MPP3: variants seen among roughly 807,000 people sequenced by gnomAD.
MPP3 encodes the protein MAGUK p55 subfamily member 3.
A neutral mutation model predicts 80.7 loss-of-function variants in MPP3; 48 were observed. The observed-to-expected ratio is 0.59, with a 90% confidence interval of 0.47 to 0.76. The LOEUF (loss-of-function observed/expected upper bound fraction) is 0.76. MPP3 is among the 30% of genes least tolerant of loss of function. MPP3 has a pLI of 0.00. For synonymous variants in MPP3, 311 were observed against 297.6 expected (o/e 1.04, Z -0.46); for missense variants, 620 against 763.0 (o/e 0.81, Z 2.21).
At chr17:43,808,902 C>T in intron 19 of MPP3, 54 bp downstream of exon 19, 1 of 1,562,468 alleles carries the variant, frequency 6.4e-7, no homozygotes, top group Non-Finnish European at 8.6e-7. Context: ...AGAAGCGTTC[C>T]TGTAACAGCC....
intron 19 of MPP3, among the ~76,000 whole-genome samples, chr17:43,807,904 G>A (rs1367750382): frequency 1.3e-5 from 2 of 151,960 alleles, no homozygotes; most frequent in Admixed American, 6.6e-5. Flanking sequence ...AGGCTGCAGT[G>A]AGCCATGATT....
intron 16 of MPP3, among the ~76,000 whole-genome samples, chr17:43,812,744 G>C (rs1217196213): frequency 1.3e-5 from 2 of 152,180 alleles, no homozygotes; most frequent in African/African-American, 2.4e-5. Context: ...TCTTCTCCAG[G>C]GGGTGGATCC....
intron 13 of MPP3, 39 bp downstream of exon 13, chr17:43,816,638 G>A (rs1254004852): frequency 6.4e-7 from 1 of 1,556,042 alleles, no homozygotes; most frequent in Admixed American, 1.9e-5. Flanking sequence ...CACGGAAAAG[G>A]GGCCACGCCT....
chr17:43,810,190 G>T (rs1412156194), intron 18 of MPP3, among the ~76,000 whole-genome samples: 2 of 152,104 alleles, frequency 1.3e-5, no homozygotes, highest in Non-Finnish European at 2.9e-5. Context: ...TGTTTCTATA[G>T]AGGGGAAAAA....
chr17:43,812,058 G>A (rs1377318978), intron 16 of MPP3, among the ~76,000 whole-genome samples: 1 of 152,224 alleles, frequency 6.6e-6, no homozygotes, highest in Non-Finnish European at 1.5e-5. Context: ...AAAGGAGACA[G>A]GAAGACAGAC....
chr17:43,829,974 C>T lies in MPP3; in HGVS notation c.303+53G>A, dbSNP rs763577037. 4.4e-6 allele frequency: 7 copies of T among 1,586,110 alleles called. No individual in the cohort carries two copies. In the African/African-American group the frequency reaches 6.7e-5, roughly 15 times the overall value. On this transcript the variant is annotated intron_variant, in intron 6 of 19. Coordinates refer to ENST00000398389, the MANE Select transcript of MPP3 (RefSeq NM_001932.6). ...GCCTCATTAGGAGAGCTCCCTCCGC[C>T]CCCATCCCAGGAGACCCAGAGGCAT...
At chr17:43,819,123 T>C (rs989826073) in intron 11 of MPP3, 1 of 152,174 alleles carries the variant, frequency 6.6e-6, no homozygotes, top group Admixed American at 6.5e-5. Flanking sequence ...GCAGGACCCA[T>C]GGATCTGCAT....
chr17:43,802,440 A>G (rs2044449658), intron 19 of MPP3, among the ~76,000 whole-genome samples: 1 of 152,210 alleles, frequency 6.6e-6, no homozygotes, highest in African/African-American at 2.4e-5. Flanking sequence ...GCCAAACACT[A>G]GCACAGCAAA....
At chr17:43,820,791 T>C in intron 11 of MPP3, 71 bp downstream of exon 11, 1 of 1,438,974 alleles carries the variant, frequency 6.9e-7, no homozygotes, top group Non-Finnish European at 9.7e-7. Flanking sequence ...GGGCAGAGAC[T>C]TGGGGGTCTG....
chr17:43,830,832 C>G (rs1266990968), intron 5 of MPP3, among the ~76,000 whole-genome samples: 2 of 152,218 alleles, frequency 1.3e-5, no homozygotes, highest in Admixed American at 6.5e-5. Flanking sequence ...AAATGAGAAG[C>G]CTGAGCCAGT....
intron 5 of MPP3, among the ~76,000 whole-genome samples, chr17:43,831,021 T>C (rs569722594): frequency 6.6e-6 from 1 of 152,358 alleles, no homozygotes; most frequent in South Asian, 2.1e-4. Flanking sequence ...GGCAGCTCCA[T>C]GTCACAGTGT....
chr17:43,802,548 A>C (rs1385584370), intron 19 of MPP3, among the ~76,000 whole-genome samples: 1 of 152,186 alleles, frequency 6.6e-6, no homozygotes. Context: ...CTGACACTTA[A>C]CATTAAGGTA....
chr17:43,803,508 C>T (rs1598314443), intron 19 of MPP3, among the ~76,000 whole-genome samples: 1 of 152,146 alleles, frequency 6.6e-6, no homozygotes, highest in East Asian at 1.9e-4. Context: ...CTGTCCGTCA[C>T]CCCCAGGTTG....
intron 19 of MPP3, among the ~76,000 whole-genome samples, chr17:43,805,690 A>G (rs775016115): frequency 5.9e-5 from 9 of 152,236 alleles, no homozygotes; most frequent in Non-Finnish European, 1.0e-4. Context: ...CCAGATACAA[A>G]AGGTCTTACA....
At chr17:43,814,459 G>A (rs1897948034) in intron 14 of MPP3, 98 bp from the exon 15 acceptor site, 2 of 1,302,758 alleles carry the variant, frequency 1.5e-6, no homozygotes, top group African/African-American at 3.0e-5. Flanking sequence ...CTGGAGATGG[G>A]ACTGAGTCCC....
intron 19 of MPP3, among the ~76,000 whole-genome samples, chr17:43,805,659 CATTAT>C (rs755862471): frequency 3.9e-5 from 6 of 152,076 alleles, no homozygotes; most frequent in African/African-American, 4.8e-5. Flanking sequence ...ACTTTAAAAA[CATTAT>C]ATTAAGTGAA....
At chr17:43,820,652 A>G (rs2045406837) in intron 11 of MPP3, among the ~76,000 whole-genome samples, 1 of 151,198 alleles carries the variant, frequency 6.6e-6, no homozygotes, top group Non-Finnish European at 1.5e-5. Flanking sequence ...TAACTTAATA[A>G]CATAAATTTC....
chr17:43,831,776 C>G (rs535013745), intron 3 of MPP3, 99 bp from the exon 4 acceptor site: 2 of 1,429,920 alleles, frequency 1.4e-6, no homozygotes, highest in African/African-American at 2.9e-5. Context: ...TCAGTCCTGC[C>G]GTGAGGACAT....
intron 7 of MPP3, 104 bp downstream of exon 7, chr17:43,829,550 G>A (rs1023567571): frequency 1.9e-5 from 26 of 1,379,970 alleles, no homozygotes; most frequent in Admixed American, 1.4e-4. Flanking sequence ...CAAAGCTGCC[G>A]TCACTCACTC....
Sources: allele counts gnomAD v4.1 joint callset (sites outside exome capture counted in the v4.1 genomes callset), GRCh38; gene constraint gnomAD v4.1.1; transcripts MANE v1.5; gene names NCBI Gene and HGNC (gene_info 2026-07-23, HGNC 2026-07-21).